EHBP1L1: variants seen among roughly 807,000 people sequenced by gnomAD.
The protein encoded by EHBP1L1 is EH domain-binding protein 1-like protein 1.
EHBP1L1 carries 122 observed loss-of-function variants against 151.1 expected under a neutral mutation model. The observed-to-expected ratio is 0.81, with a 90% CI of 0.70 to 0.94. EHBP1L1 has a LOEUF of 0.94. Among genes scored for constraint, EHBP1L1 ranks in the 40% least tolerant of loss-of-function variants. The pLI, the probability that EHBP1L1 is intolerant of heterozygous loss-of-function variation, is 0.00. For missense variants in EHBP1L1, 1,941 were observed against 1,959.8 expected, an observed-to-expected ratio of 0.99 and a Z score of 0.18; for synonymous variants, 878 against 810.1, an observed-to-expected ratio of 1.08 and a Z score of -1.42.
chr11:65,585,634 G>A lies in EHBP1L1; in HGVS notation c.3933+43G>A. The A allele has an allele frequency of 6.5e-7, 1 of 1,535,870 alleles. No individual in the cohort carries two copies. The highest frequency in any genetic ancestry group is 8.7e-7 in the Non-Finnish European group (1 of 1,146,664). ...TCTTTCTTCCCCCGCCGCAGCGCGG[G>A]GTCCCGGGAAGATGGGCAGAGAACG... On this transcript the variant is annotated intron_variant, in intron 12 of 18. Transcript: ENST00000309295. This position sits in a 1 kb window ranked among gnomAD's most constrained non-coding sequence, Gnocchi z 4.0.
chr11:65,585,133 A>T lies in EHBP1L1; in HGVS notation c.3475A>T (p.Thr1159Ser), dbSNP rs1485660316. The T allele has an allele frequency of 2.7e-6, 4 of 1,480,610 alleles. No individual in the cohort carries two copies. Among genetic ancestry groups the T allele is most frequent in the East Asian group, 2.8e-5 (1 of 36,196 alleles). 91.7% of individuals were successfully genotyped at this position (1,480,610 alleles called of 1,614,324 possible). A position where few individuals can be genotyped will look rare whatever the true frequency, so the allele number is the denominator to read the frequency against. ...ACTGGAGGGCGGCGGCGGCGCCGGC[A>T]CGTACCGCGTGGGCAGCGCCCAGCC... ...VQLEGGGGAG[T>S]YRVGSAQPSP... The change falls in exon 12 of 19, where the codon ACG becomes TCG. Residue 1159 changes from threonine to serine, a missense_variant. Transcript: ENST00000309295. The surrounding 1 kb of genome is among the most constrained non-coding windows in gnomAD (Gnocchi z 4.0).
Position 65,581,740 on chromosome 11 carries a change from T to C in EHBP1L1, c.1068T>C (p.Ala356=), listed in dbSNP as rs1359321925. 7 of 1,602,980 alleles carry C rather than the reference T, an allele frequency of 4.4e-6. No homozygotes were observed. The highest frequency in any genetic ancestry group is 5.1e-6 in the Non-Finnish European group (6 of 1,175,008). ...CPQEGTEAHG[A]RLGPSIEDKG... ...AGGAAGGGACAGAAGCCCATGGAGC[T>C]AGGCTGGGCCCGAGCATTGAGGATA... Residue 356 remains alanine (A), a synonymous_variant, in exon 9 of 19, where the codon GCT becomes GCC. Transcript: ENST00000309295.
At chr11:65,589,282 A>G (rs972521325) in intron 12 of EHBP1L1, among the ~76,000 whole-genome samples, 3 of 152,108 alleles carry the variant, frequency 2.0e-5, no homozygotes, top group African/African-American at 2.4e-5. Flanking sequence ...GCGGGTGGCT[A>G]CTTGGGAGGC....
In EHBP1L1 at chr11:65,582,212, G is replaced by A. The variant is rs1479347299; in HGVS notation, c.1540G>A (p.Gly514Arg). The A allele has an allele frequency of 5.9e-6, 9 of 1,533,986 alleles. No individual in the cohort carries two copies. The highest frequency in any genetic ancestry group is 1.4e-5 in the African/African-American group (1 of 72,028). The change falls in exon 9 of 19, where the codon GGA becomes AGA. Residue 514 changes from glycine to arginine, a missense_variant. Transcript: ENST00000309295. ...GAGAGAGGGTGCAGAAGTGAGGGGT[G>A]GAGCACCTGGTATTGAGGGGACAGG... ...QEREGAEVRG[G>R]APGIEGTGLE...
At position 65,579,357 on chromosome 11, in the gene EHBP1L1, C is replaced by T. The variant is rs367950334; in HGVS notation, c.179C>T (p.Pro60Leu). Residue 60 changes from proline (P) to leucine (L), a missense_variant, in exon 3 of 19, where the codon CCG becomes CTG. By Grantham distance (98) the Pro-to-Leu change is moderately conservative. Coordinates refer to ENST00000309295, the MANE Select transcript of EHBP1L1 (RefSeq NM_001099409.3). ...RICSKAHSWQ[P>L]GIQNPYRGTV... is the part of the protein sequence containing the mutation. ...CCCTTGTAGGCCCACAGCTGGCAGCCGGGCATCCAGAACCCATACCGGGGC... is the reference window on the plus strand; with the variant it reads ...CCCTTGTAGGCCCACAGCTGGCAGCTGGGCATCCAGAACCCATACCGGGGC... 1.6e-5 allele frequency: 25 copies of T among 1,566,554 alleles called. No homozygotes were observed. The highest frequency in any genetic ancestry group is 8.3e-5 in the South Asian group (7 of 84,016).
Position 65,585,917 on chromosome 11 carries a change from C to T in EHBP1L1, c.3933+326C>T, listed in dbSNP as rs1011308273. Among the ~76,000 whole-genome samples, 5 of 152,220 alleles carry T rather than the reference C, an allele frequency of 3.3e-5. No homozygotes were observed. Among genetic ancestry groups the T allele is most frequent in the African/African-American group, 1.2e-4 (5 of 41,460 alleles). On this transcript the variant is annotated intron_variant, in intron 12 of 18. Coordinates refer to ENST00000309295, the MANE Select transcript of EHBP1L1 (RefSeq NM_001099409.3). This position sits in a 1 kb window ranked among gnomAD's most constrained non-coding sequence, Gnocchi z 4.0. ...GTGCTTGGCACTTGGTGTGGGGAAT[C>T]AGGCTGCAGAAGTTCCCGGAGCATC...
At chr11:65,590,982 G>T (rs1319282300) in intron 16 of EHBP1L1, among the ~76,000 whole-genome samples, 1 of 151,378 alleles carries the variant, frequency 6.6e-6, no homozygotes, top group Non-Finnish European at 1.5e-5. Context: ...AGTGAGCCAA[G>T]ATCAGACCAT....
At chr11:65,583,922 T>C in intron 9 of EHBP1L1, 157 bp downstream of exon 9, 1 of 1,417,644 alleles carries the variant, frequency 7.1e-7, no homozygotes, top group East Asian at 2.5e-5. Context: ...TCTCTCAGGA[T>C]GCCCTGGCTC....
In EHBP1L1 at chr11:65,583,766, G is replaced by A; in HGVS notation, c.3093+1G>A. ...GGACAGGAGGCTGCCGGGCAGCCAGGTAGGGATGGGGGCCGCCGAGGGCCC... is the reference window on the plus strand; with the variant it reads ...GGACAGGAGGCTGCCGGGCAGCCAGATAGGGATGGGGGCCGCCGAGGGCCC... On this transcript the variant is annotated splice_donor_variant, in intron 9 of 18. Coordinates refer to ENST00000309295, the MANE Select transcript of EHBP1L1 (RefSeq NM_001099409.3). LOFTEE classifies it high-confidence loss of function. The A allele has an allele frequency of 6.8e-7, 1 of 1,479,250 alleles. No individual in the cohort carries two copies. The highest frequency in any genetic ancestry group is 8.9e-7 in the Non-Finnish European group (1 of 1,118,532). 91.6% of individuals were successfully genotyped at this position (1,479,250 alleles called of 1,614,324 possible).
At chr11:65,578,952 A>G (rs550729186) in intron 1 of EHBP1L1, 126 bp from the exon 2 acceptor site, 645 of 903,264 alleles carry the variant, frequency 7.1e-4, no homozygotes, top group Admixed American at 1.4e-3. Context: ...CCTCTTCTGG[A>G]GGAGGGGGAG....
At chr11:65,587,694 TACAAGGACACAAACAGAGGCCCCA>T (rs1244265673) in intron 12 of EHBP1L1, among the ~76,000 whole-genome samples, 2 of 152,148 alleles carry the variant, frequency 1.3e-5, no homozygotes, top group Non-Finnish European at 2.9e-5. Flanking sequence ...CCATTTTACA[TACAAGGACACAAACAGAGGCCCCA>T]AGGGTGTGAC....
chr11:65,591,790 C>CCCCCG lies in EHBP1L1; in HGVS notation c.4284-10_4284-9insCCCCG. 5 of 1,535,852 alleles carry CCCCCG rather than the reference C, an allele frequency of 3.3e-6. No individual in the cohort carries two copies. The highest frequency in any genetic ancestry group is 4.4e-6 in the Non-Finnish European group (5 of 1,136,554). On this transcript the variant is annotated splice_polypyrimidine_tract_variant and intron_variant, in intron 16 of 18. Transcript: ENST00000309295. ...CACCCCCCCGCCACCCACCCCCCGCCACCTTCCAGCATGGAGGAGCAGGAC... is the reference window on the plus strand; with the variant it reads ...CACCCCCCCGCCACCCACCCCCCGCCCCCCGACCTTCCAGCATGGAGGAGCAGGAC...
In EHBP1L1 at chr11:65,591,881, A is replaced by C; in HGVS notation, c.4357+8A>C. ...CCATGCTGGCCATCGAAGGTGGGACATGGGCTCAGGGGCCGGGAGGCAAGA... is the reference window on the plus strand; with the variant it reads ...CCATGCTGGCCATCGAAGGTGGGACCTGGGCTCAGGGGCCGGGAGGCAAGA... On this transcript the variant is annotated splice_region_variant and intron_variant, in intron 17 of 18. Coordinates refer to ENST00000309295, the MANE Select transcript of EHBP1L1 (RefSeq NM_001099409.3). 1.3e-6 allele frequency: 2 copies of C among 1,594,028 alleles called. No homozygotes were observed. The highest frequency in any genetic ancestry group is 1.7e-6 in the Non-Finnish European group (2 of 1,170,416).
chr11:65,589,658 C>T (rs1257226917), intron 12 of EHBP1L1, 93 bp from the exon 13 acceptor site: 6 of 1,436,480 alleles, frequency 4.2e-6, no homozygotes, highest in Admixed American at 2.9e-5. Flanking sequence ...GGTCAAGGAC[C>T]CCTCCTCCCC....
At position 65,585,760 on chromosome 11, in the gene EHBP1L1, G is replaced by A. The variant is rs978220390; in HGVS notation, c.3933+169G>A. Among the ~76,000 whole-genome samples, 2 of 152,224 alleles carry A rather than the reference G, an allele frequency of 1.3e-5. No individual in the cohort carries two copies. The highest frequency in any genetic ancestry group is 2.9e-5 in the Non-Finnish European group (2 of 68,032). ...CCCAGGAGGGGCTATCTGATCAGAGGGACCCTGGTGCTGTGGAAGAGTCCT... is the reference window on the plus strand; with the variant it reads ...CCCAGGAGGGGCTATCTGATCAGAGAGACCCTGGTGCTGTGGAAGAGTCCT... On this transcript the variant is annotated intron_variant, in intron 12 of 18. Coordinates refer to ENST00000309295, the MANE Select transcript of EHBP1L1 (RefSeq NM_001099409.3). The surrounding 1 kb of genome is among the most constrained non-coding windows in gnomAD (Gnocchi z 4.0).
At position 65,582,683 on chromosome 11, in the gene EHBP1L1, G is replaced by A. The variant is rs573045147; in HGVS notation, c.2011G>A (p.Ala671Thr). 5.6e-6 allele frequency: 9 copies of A among 1,613,630 alleles called. No homozygotes were observed. Among genetic ancestry groups the A allele is most frequent in the African/African-American group, 1.3e-5 (1 of 74,986 alleles). ...SGVLQTRTTI[A>T]ETEVLVTQEI... Reference sequence around the variant, plus strand: ...AGTTTTGCAGACAAGAACTACGATAGCAGAGACTGAGGTACTGGTGACCCA... The same window carrying A: ...AGTTTTGCAGACAAGAACTACGATAACAGAGACTGAGGTACTGGTGACCCA... The change falls in exon 9 of 19, where the codon GCA (alanine) becomes ACA (threonine). Residue 671 changes from alanine to threonine, a missense_variant. Transcript: ENST00000309295.
intron 15 of EHBP1L1, 75 bp from the exon 16 acceptor site, chr11:65,590,418 C>T (rs1858209404): frequency 1.9e-6 from 3 of 1,557,230 alleles, no homozygotes; most frequent in Non-Finnish European, 2.6e-6. Flanking sequence ...AGCAAACCCC[C>T]TCCCCCAACC....
chr11:65,579,786 C>G, intron 3 of EHBP1L1, 150 bp from the exon 4 acceptor site: 1 of 797,968 alleles, frequency 1.3e-6, no homozygotes, highest in Non-Finnish European at 2.0e-6. Flanking sequence ...GAGATCGCAC[C>G]CCTGCACTCC....
In EHBP1L1 at chr11:65,583,533, C is replaced by T; in HGVS notation, c.2861C>T (p.Ala954Val). ...GAGGGCAAATCTGGGGCTTGGGGGG[C>T]CCAGGAAGCAGAGATGAAGGTTTTA... ...MSEGKSGAWGAQEAEMKVLES... is the reference protein window; with the variant it reads ...MSEGKSGAWGVQEAEMKVLES... The change falls in exon 9 of 19, where the codon GCC becomes GTC. Residue 954 changes from alanine (A) to valine (V), a missense_variant. Transcript: ENST00000309295. 2 of 1,612,746 alleles carry T rather than the reference C, an allele frequency of 1.2e-6. No homozygotes were observed. The highest frequency in any genetic ancestry group is 4.5e-5 in the East Asian group (2 of 44,852).
Sources: gnomAD v4.1 joint callset for allele counts (sites outside exome capture counted in the v4.1 genomes callset) on GRCh38, gnomAD v4.1.1 for gene constraint, Gnocchi (gnomAD v3.1) non-coding constraint, MANE v1.5 for transcripts, NCBI Gene and HGNC (gene_info 2026-07-23, HGNC 2026-07-21) for gene names.